Variants in RREB1 observed in about 807,000 individuals in gnomAD.
RREB1 encodes ras-responsive element-binding protein 1.
A neutral mutation model predicts 117.8 loss-of-function variants in RREB1; 27 were observed. That is an observed-to-expected ratio of 0.23 (90% CI 0.17 to 0.32). RREB1 has a LOEUF of 0.32. Among genes scored for constraint, RREB1 ranks in the 10% least tolerant of loss-of-function variants. The pLI is 1.00. For missense variants in RREB1, 2,577 were observed against 2,378.2 expected (o/e 1.08, Z -1.74); for synonymous variants, 1,298 against 1,026.7 (o/e 1.26, Z -5.05).
Position 7,226,480 on chromosome 6 carries a change from T to G in RREB1, c.721T>G (p.Cys241Gly), listed in dbSNP as rs1162582059. The G allele has an allele frequency of 6.2e-7, 1 of 1,612,220 alleles. No homozygotes were observed. The highest frequency in any genetic ancestry group is 8.5e-7 in the Non-Finnish European group (1 of 1,178,906). Reference sequence around the variant, plus strand: ...TTCCTCTCCTAGATGTGACATTTGTTGTGTCACCTTTCGAACACATCGAGG... The same window carrying G: ...TTCCTCTCCTAGATGTGACATTTGTGGTGTCACCTTTCGAACACATCGAGG... ...SDNPLRCDIC[C>G]VTFRTHRGLL... The change falls in exon 9 of 13, where the codon TGT (cysteine) becomes GGT (glycine). Residue 241 changes from cysteine (C) to glycine (G), a missense_variant. Physicochemically the swap from Cys to Gly is radical, Grantham distance 159. Coordinates refer to ENST00000379938, the MANE Select transcript of RREB1 (RefSeq NM_001003699.4).
chr6:7,200,540 A>G (rs999765735), intron 6 of RREB1, among the ~76,000 whole-genome samples: 1 of 152,172 alleles, frequency 6.6e-6, no homozygotes, highest in Non-Finnish European at 1.5e-5. Context: ...AAGTGCTGGG[A>G]TTACAGGCGT....
chr6:7,172,363 C>T (rs1177258595), intron 1 of RREB1, among the ~76,000 whole-genome samples: 1 of 152,026 alleles, frequency 6.6e-6, no homozygotes. Flanking sequence ...CACCTCTGCA[C>T]TTTTGTCTTG....
rs1767839752 is a variant in RREB1 at position 7,230,170 on chromosome 6, C to T, written c.2071C>T (p.Arg691Cys). 2 of 1,607,090 alleles carry T rather than the reference C, an allele frequency of 1.2e-6. No individual in the cohort carries two copies. The highest frequency in any genetic ancestry group is 1.1e-5 in the South Asian group (1 of 91,080). Residue 691 changes from arginine (R) to cysteine (C), a missense_variant, in exon 10 of 13, where the codon CGC becomes TGC. Coordinates refer to ENST00000379938, the MANE Select transcript of RREB1 (RefSeq NM_001003699.4). ...CAAGGCCGCGCTCATCCGCCACCTG[C>T]GCACGCACAGTGGGGAGCGGCCCTA... is the stretch of plus-strand genomic sequence containing the variant. ...ADKAALIRHL[R>C]THSGERPYIC...
chr6:7,230,853 C>T lies in RREB1; in HGVS notation c.2754C>T (p.Ser918=), dbSNP rs1327650836. 3.7e-6 allele frequency: 6 copies of T among 1,614,242 alleles called. No individual in the cohort carries two copies. The highest frequency in any genetic ancestry group is 4.2e-6 in the Non-Finnish European group (5 of 1,180,040). The change falls in exon 10 of 13, where the codon TCC becomes TCT. Residue 918 remains serine (S), a synonymous_variant. Coordinates refer to ENST00000379938, the MANE Select transcript of RREB1 (RefSeq NM_001003699.4). ...TCCAAGTGAAGCAGGAAAACATCTC[C>T]TTTCTGAGCCCTTCTTCCCTGGTCC... ...ALVQVKQENI[S]FLSPSSLVPY... is the part of the protein sequence containing the mutation.
rs1338189051 is a variant in RREB1 at position 7,229,304 on chromosome 6, A to G, written c.1205A>G (p.Gln402Arg). ...CAGACACTCAAGTGTCAGCTACCTC[A>G]GGACCCCGGCTGCACCAACCTGCTG... ...QLQTLKCQLPQDPGCTNLLSL... is the reference protein window; with the variant it reads ...QLQTLKCQLPRDPGCTNLLSL... Residue 402 changes from glutamine (Q) to arginine (R), a missense_variant, in exon 10 of 13, where the codon CAG (glutamine) becomes CGG (arginine). Transcript: ENST00000379938. This position sits in a 1 kb window ranked among gnomAD's most constrained non-coding sequence, Gnocchi z 4.5. 2 of 1,613,962 alleles carry G rather than the reference A, an allele frequency of 1.2e-6. No homozygotes were observed. The highest frequency in any genetic ancestry group is 1.7e-6 in the Non-Finnish European group (2 of 1,179,874).
intron 6 of RREB1, among the ~76,000 whole-genome samples, chr6:7,210,015 C>T (rs1305446301): frequency 6.6e-6 from 1 of 152,208 alleles, no homozygotes; most frequent in Non-Finnish European, 1.5e-5. Flanking sequence ...TAATGTCATT[C>T]GTTTCCTGTA....
At position 7,114,963 on chromosome 6, in the gene RREB1, T is replaced by G. The variant is rs148215188; in HGVS notation, c.-285+6903T>G. 7.5e-3 allele frequency among the ~76,000 whole-genome samples: 1,144 copies of G among 151,688 alleles called. 14 individuals carry two copies. The highest frequency in any genetic ancestry group is 0.026 in the African/African-American group (1,091 of 41,366). ...CTGGTGCTGTCATCTGCAGCCTCCT[T>G]CATGTTCTAAGTTATGTGGAGTATA... is the stretch of plus-strand genomic sequence containing the variant. On this transcript the variant is annotated intron_variant, in intron 1 of 12. Coordinates refer to ENST00000379938, the MANE Select transcript of RREB1 (RefSeq NM_001003699.4).
At chr6:7,192,742 A>G (rs1390143741) in intron 6 of RREB1, among the ~76,000 whole-genome samples, 2 of 152,120 alleles carry the variant, frequency 1.3e-5, no homozygotes, top group East Asian at 3.9e-4. Flanking sequence ...CAAATAACCA[A>G]CTTTTGGTTT....
At chr6:7,195,452 T>G (rs1012921006) in intron 6 of RREB1, among the ~76,000 whole-genome samples, 2 of 152,310 alleles carry the variant, frequency 1.3e-5, no homozygotes, top group African/African-American at 4.8e-5. Flanking sequence ...TCTGAGACTC[T>G]AGTAGTGAGC....
rs1402393883 is a variant in RREB1, at chr6:7,231,579, G to A, written c.3480G>A (p.Arg1160=). The change falls in exon 10 of 13, where the codon AGG becomes AGA. Residue 1160 remains arginine (R), a synonymous_variant. Transcript: ENST00000379938. ...AGAGGGGCCGGAAAAGGGGGATGAGGAGCCGACCCCGCGCCAACAGCGGCG... is the reference window on the plus strand; with the variant it reads ...AGAGGGGCCGGAAAAGGGGGATGAGAAGCCGACCCCGCGCCAACAGCGGCG... ...SKKRGRKRGM[R]SRPRANSGGV... 6.2e-7 allele frequency: 1 copy of A among 1,611,672 alleles called. No individual in the cohort carries two copies. Among genetic ancestry groups the A allele is most frequent in the Non-Finnish European group, 8.5e-7 (1 of 1,179,320 alleles).
chr6:7,202,029 G>A (rs1766015548), intron 6 of RREB1, among the ~76,000 whole-genome samples: 1 of 152,150 alleles, frequency 6.6e-6, no homozygotes, highest in African/African-American at 2.4e-5. Flanking sequence ...CTTGGGAGGT[G>A]ACATTTCTCT....
intron 1 of RREB1, among the ~76,000 whole-genome samples, chr6:7,161,428 A>T (rs1275242263): frequency 6.6e-6 from 1 of 152,168 alleles, no homozygotes. Flanking sequence ...AAGACTGCAG[A>T]TGTTCTTAGG....
At chr6:7,188,036 G>A (rs1765176027) in intron 5 of RREB1, among the ~76,000 whole-genome samples, 1 of 152,074 alleles carries the variant, frequency 6.6e-6, no homozygotes, top group Non-Finnish European at 1.5e-5. Flanking sequence ...AGGCATGGTG[G>A]CATGCACCTG....
chr6:7,179,499 A>C (rs753595246), intron 2 of RREB1, among the ~76,000 whole-genome samples: 1 of 152,220 alleles, frequency 6.6e-6, no homozygotes, highest in Non-Finnish European at 1.5e-5. Context: ...GGAAAGAGAG[A>C]TTTCTAGTCA....
intron 8 of RREB1, chr6:7,218,487 TAAAAA>T (rs58727954): frequency 2.1e-5 from 3 of 145,414 alleles, no homozygotes; most frequent in Non-Finnish European, 3.0e-5. Context: ...GTTAAGAAGT[TAAAAA>T]AAAAAAAGAG....
chr6:7,200,218 G>GTA lies in RREB1; in HGVS notation c.426-10574_426-10573dup, dbSNP rs764764289. 1.8e-3 allele frequency among the ~76,000 whole-genome samples: 268 copies of GTA among 145,806 alleles called. 4 individuals are homozygous for GTA. The highest frequency in any genetic ancestry group is 0.011 in the East Asian group (56 of 5,052). On this transcript the variant is annotated intron_variant, in intron 6 of 12. Transcript: ENST00000379938. Reference sequence around the variant, plus strand: ...TGTGTATATATGTATGTATGTGTGTGTATATATATATATGTATGTGTGTAT... The same window carrying GTA: ...TGTGTATATATGTATGTATGTGTGTGTATATATATATATATGTATGTGTGTAT...
intron 1 of RREB1, among the ~76,000 whole-genome samples, chr6:7,136,189 C>T (rs1303037056): frequency 2.6e-5 from 4 of 152,170 alleles, no homozygotes. Flanking sequence ...TTTTACAATT[C>T]TGATTTGAGT....
intron 1 of RREB1, among the ~76,000 whole-genome samples, chr6:7,129,960 G>A (rs1762083330): frequency 1.3e-5 from 2 of 152,220 alleles, no homozygotes. Context: ...GTTGAGTGGA[G>A]CTACGGGTCA....
At chr6:7,192,116 A>ATTTTTTTTTTTTTTTTTTT (rs34074532) in intron 6 of RREB1, among the ~76,000 whole-genome samples, 7 of 15,316 alleles carry the variant, frequency 4.6e-4, no homozygotes, top group African/African-American at 1.2e-3. Context: ...TTGTCAGATG[A>ATTTTTTTTTTTTTTTTTTT]TTTTTTTTTT....
Sources: gnomAD v4.1 joint callset for allele counts (sites outside exome capture counted in the v4.1 genomes callset) on GRCh38, gnomAD v4.1.1 for gene constraint, Gnocchi (gnomAD v3.1) non-coding constraint, MANE v1.5 for transcripts, NCBI Gene and HGNC (gene_info 2026-07-23, HGNC 2026-07-21) for gene names.